Variants in MIEF1 observed in about 807,000 individuals in gnomAD.
The protein encoded by MIEF1 is mitochondrial elongation factor 1.
A neutral mutation model predicts 35.1 loss-of-function variants in MIEF1; 14 were observed. The ratio of observed to expected loss-of-function variants is 0.40; its 90% CI spans 0.26 to 0.62. The LOEUF (loss-of-function observed/expected upper bound fraction) is 0.62, where lower values mean the gene tolerates loss of function less well. Among genes scored for constraint, MIEF1 ranks in the 20% least tolerant of loss-of-function variants. The probability of loss-of-function intolerance (pLI) is 0.43; values close to 1 mark genes in which losing one functional copy is unlikely to be tolerated. For synonymous variants in MIEF1, 245 were observed against 254.3 expected, an observed-to-expected ratio of 0.96 and a Z score of 0.35; for missense variants, 542 against 615.4, an observed-to-expected ratio of 0.88 and a Z score of 1.26.
At position 39,517,974 on chromosome 22, in the gene MIEF1, TC is replaced by T. The variant is rs1930766880; in HGVS notation, c.*3652del. ...AGATTTGGAATCAGTCACCAGTCTTTCTGTACTGTCTTGGTTAGCTCTATAT... is the reference window on the plus strand; with the variant it reads ...AGATTTGGAATCAGTCACCAGTCTTTTGTACTGTCTTGGTTAGCTCTATAT... On this transcript the variant is annotated 3_prime_UTR_variant, in exon 6 of 6. Transcript: ENST00000325301. 9.9e-6 allele frequency: 2 copies of T among 201,882 alleles called. No homozygotes were observed. The highest frequency in any genetic ancestry group is 4.7e-5 in the African/African-American group (2 of 42,566). The allele number at this position is 201,882 out of a possible 1,614,324, so 12.5% of individuals were successfully genotyped here. A position where few individuals can be genotyped will look rare whatever the true frequency, so the allele number is the denominator to read the frequency against.
In MIEF1 at chr22:39,517,933, G is replaced by A. The variant is rs1930764216; in HGVS notation, c.*3610G>A. ...TCACTTGCCTGCCCGCAGTGGTGGT[G>A]GATGTGTTAGCTGGTAGATTTGGAA... On this transcript the variant is annotated 3_prime_UTR_variant, in exon 6 of 6. Transcript: ENST00000325301. The A allele has an allele frequency of 1.4e-5, 3 of 215,368 alleles. No homozygotes were observed. The highest frequency in any genetic ancestry group is 1.1e-4 in the Admixed American group (2 of 18,122). 13.3% of individuals were successfully genotyped at this position (215,368 alleles called of 1,614,324 possible).
chr22:39,500,703 T>TC (rs1397491366), upstream of MIEF1, among the ~76,000 whole-genome samples: 1 of 151,790 alleles, frequency 6.6e-6, no homozygotes, highest in African/African-American at 2.4e-5. Flanking sequence ...CTTTTCTTTT[T>TC]CTTTTTTTTG....
chr22:39,504,131 C>T, intron 1 of MIEF1, 72 bp from the exon 2 acceptor site: 2 of 397,884 alleles, frequency 5.0e-6, no homozygotes, highest in Admixed American at 8.8e-5. Context: ...AAAAAGCCCT[C>T]ACATAGTCTC....
upstream of MIEF1, among the ~76,000 whole-genome samples, chr22:39,501,473 G>A (rs1358434978): frequency 6.6e-6 from 1 of 152,226 alleles, no homozygotes; most frequent in Non-Finnish European, 1.5e-5. Context: ...CTAGGAGCCA[G>A]CGGTGGCCCC....
chr22:39,517,716 G>A lies in MIEF1; in HGVS notation c.*3393G>A. The A allele has an allele frequency of 4.5e-6, 2 of 442,868 alleles. No homozygotes were observed. The highest frequency in any genetic ancestry group is 9.4e-6 in the Non-Finnish European group (2 of 212,224). 27.4% of individuals were successfully genotyped at this position (442,868 alleles called of 1,614,324 possible). On this transcript the variant is annotated 3_prime_UTR_variant, in exon 6 of 6. Coordinates refer to ENST00000325301, the MANE Select transcript of MIEF1 (RefSeq NM_019008.6). ...GCCAAGGAGAATGATAGGAGACTTAGGACAGAGCTGACCCTTGCACCAGGC... is the reference window on the plus strand; with the variant it reads ...GCCAAGGAGAATGATAGGAGACTTAAGACAGAGCTGACCCTTGCACCAGGC...
At position 39,514,710 on chromosome 22, in the gene MIEF1, C is replaced by T. The variant is rs758626054; in HGVS notation, c.*387C>T. 2.2e-5 allele frequency: 6 copies of T among 271,184 alleles called. No homozygotes were observed. The highest frequency in any genetic ancestry group is 5.0e-5 in the Admixed American group (1 of 20,100). 16.8% of individuals were successfully genotyped at this position (271,184 alleles called of 1,614,324 possible). On this transcript the variant is annotated 3_prime_UTR_variant, in exon 6 of 6. Coordinates refer to ENST00000325301, the MANE Select transcript of MIEF1 (RefSeq NM_019008.6). ...TTCAGTGTCTTTTCTATTTTTTCCT[C>T]TCTCGTTCATGCCTTCTGTTTTGCT...
rs1270550825 is a variant in MIEF1 at position 39,516,391 on chromosome 22, C to G, written c.*2068C>G. The G allele has an allele frequency of 6.6e-6, 1 of 152,238 alleles. No homozygotes were observed. The highest frequency in any genetic ancestry group is 2.4e-5 in the African/African-American group (1 of 41,458). 9.4% of individuals were successfully genotyped at this position (152,238 alleles called of 1,614,324 possible). ...TTTAAGTTTTCCCAAGCTTGCATCT[C>G]TGACCAAATTTCACATAAAACATTG... On this transcript the variant is annotated 3_prime_UTR_variant, in exon 6 of 6. Coordinates refer to ENST00000325301, the MANE Select transcript of MIEF1 (RefSeq NM_019008.6).
rs887495064 is a variant in MIEF1, at chr22:39,512,009, C to T, written c.305C>T (p.Ser102Phe). The change falls in exon 4 of 6, where the codon TCC becomes TTC. Residue 102 changes from serine to phenylalanine, a missense_variant. Coordinates refer to ENST00000325301, the MANE Select transcript of MIEF1 (RefSeq NM_019008.6). ...TCCTTGCAGACCCTTCCCACAGACT[C>T]CTCCACCTTCGACACAGGTGAGAAG... ...SRSLQTLPTD[S>F]STFDTDTFCP... The T allele has an allele frequency of 6.2e-7, 1 of 1,613,220 alleles. No homozygotes were observed. Among genetic ancestry groups the T allele is most frequent in the Non-Finnish European group, 8.5e-7 (1 of 1,179,674 alleles).
intron 1 of MIEF1, 43 bp downstream of exon 1, chr22:39,502,480 G>A (rs1007511165): frequency 3.9e-5 from 6 of 152,450 alleles, no homozygotes; most frequent in African/African-American, 1.2e-4. Flanking sequence ...GCTGGGCGGC[G>A]GGGAGGTTGC....
upstream of MIEF1, chr22:39,502,163 C>A (rs1471360428): frequency 1.3e-5 from 2 of 152,004 alleles, no homozygotes; most frequent in East Asian, 3.9e-4. Context: ...GCGCGAGTGG[C>A]CTCTGCAGGC....
rs1356393331 is a variant in MIEF1, at chr22:39,516,050, G to A, written c.*1727G>A. 2 of 151,944 alleles carry A rather than the reference G, an allele frequency of 1.3e-5. No individual in the cohort carries two copies. The highest frequency in any genetic ancestry group is 2.4e-5 in the African/African-American group (1 of 41,308). 9.4% of individuals were successfully genotyped at this position (151,944 alleles called of 1,614,324 possible). A position where few individuals can be genotyped will look rare whatever the true frequency, so the allele number is the denominator to read the frequency against. On this transcript the variant is annotated 3_prime_UTR_variant, in exon 6 of 6. Coordinates refer to ENST00000325301, the MANE Select transcript of MIEF1 (RefSeq NM_019008.6). ...TTCCCCTTAACAAGGATTTCTTATGGTGGTTTCAGTTTCATTTGCATAAAG... is the reference window on the plus strand; with the variant it reads ...TTCCCCTTAACAAGGATTTCTTATGATGGTTTCAGTTTCATTTGCATAAAG...
intron 2 of MIEF1, 109 bp from the exon 3 acceptor site, chr22:39,511,179 G>T: frequency 7.1e-7 from 1 of 1,405,336 alleles, no homozygotes; most frequent in Admixed American, 2.3e-5. Context: ...AGAAGATTTG[G>T]GTTGCTGGAA....
intron 2 of MIEF1, among the ~76,000 whole-genome samples, chr22:39,505,773 G>A (rs919957043): frequency 1.3e-5 from 2 of 152,100 alleles, no homozygotes; most frequent in African/African-American, 4.8e-5. Context: ...TCAGATTGAG[G>A]GACCGAGGGG....
chr22:39,513,237 A>G (rs1211916514), intron 5 of MIEF1, among the ~76,000 whole-genome samples: 2 of 151,380 alleles, frequency 1.3e-5, no homozygotes, highest in East Asian at 3.9e-4. Flanking sequence ...AGTAGCTGGG[A>G]TTACAGGCAC....
chr22:39,509,199 C>G (rs1169484082), intron 2 of MIEF1: 2 of 152,210 alleles, frequency 1.3e-5, no homozygotes, highest in African/African-American at 4.8e-5. Context: ...CGTGATCCAC[C>G]CACCTTGGCC....
chr22:39,508,784 C>G (rs1930181753), intron 2 of MIEF1, among the ~76,000 whole-genome samples: 1 of 152,136 alleles, frequency 6.6e-6, no homozygotes, highest in African/African-American at 2.4e-5. Context: ...GGAAAGTACC[C>G]CCAAGGTGTG....
At chr22:39,507,983 C>T (rs1306090603) in intron 2 of MIEF1, among the ~76,000 whole-genome samples, 1 of 152,218 alleles carries the variant, frequency 6.6e-6, no homozygotes, top group East Asian at 1.9e-4. Flanking sequence ...GTCTGGGTTG[C>T]TGACTGACTT....
At chr22:39,509,126 T>G (rs145968574) in intron 2 of MIEF1, among the ~76,000 whole-genome samples, 1 of 151,996 alleles carries the variant, frequency 6.6e-6, no homozygotes, top group Non-Finnish European at 1.5e-5. Context: ...GGCTAATTTT[T>G]TGTATTTTTA....
At chr22:39,511,613 G>A (rs867313277) in intron 3 of MIEF1, among the ~76,000 whole-genome samples, 175 bp downstream of exon 3, 3 of 152,194 alleles carry the variant, frequency 2.0e-5, no homozygotes, top group South Asian at 2.1e-4. Context: ...CATCTAGAAA[G>A]AAACATACCA....
Sources: allele counts gnomAD v4.1 joint callset (sites outside exome capture counted in the v4.1 genomes callset), GRCh38; gene constraint gnomAD v4.1.1; transcripts MANE v1.5; gene names NCBI Gene and HGNC (gene_info 2026-07-23, HGNC 2026-07-21).